Variants in SCMH1 observed in about 807,000 individuals in gnomAD.
SCMH1 encodes the protein polycomb protein SCMH1.
In SCMH1, 37 loss-of-function variants were observed where a neutral mutation model predicts 70.8. The ratio of observed to expected loss-of-function variants is 0.52; its 90% CI spans 0.40 to 0.69. The LOEUF (loss-of-function observed/expected upper bound fraction) is 0.69, where lower values mean the gene tolerates loss of function less well. Ranked by LOEUF, SCMH1 falls within the 30% of genes least tolerant of loss-of-function variation. The pLI, the probability that SCMH1 is intolerant of heterozygous loss-of-function variation, is 0.00. For missense variants in SCMH1, 607 were observed against 827.3 expected (o/e 0.73, Z 3.27); for synonymous variants, 292 against 307.4 (o/e 0.95, Z 0.52).
intron 1 of SCMH1, among the ~76,000 whole-genome samples, chr1:41,226,470 G>A (rs560780689): frequency 1.4e-4 from 22 of 152,120 alleles, no homozygotes; most frequent in Non-Finnish European, 2.2e-4. Context: ...TTTAGCATCC[G>A]GCAAACAATG....
In SCMH1 at chr1:41,211,306, A is replaced by G. The variant is rs181664965; in HGVS notation, c.-117-25056T>C. ...AATATACAGAATCTATGAAGAACTT[A>G]AACAAATTTACAAGAAAAAAACAAA... On this transcript the variant is annotated intron_variant, in intron 1 of 14. Transcript: ENST00000337495. Among the ~76,000 whole-genome samples the G allele has an allele frequency of 4.6e-5, 7 of 152,358 alleles. No individual in the cohort carries two copies. The East Asian group carries it at 1.2e-3, about 25-fold the overall frequency.
At chr1:41,150,164 C>G (rs1049283489) in intron 5 of SCMH1, among the ~76,000 whole-genome samples, 2 of 152,166 alleles carry the variant, frequency 1.3e-5, no homozygotes, top group Non-Finnish European at 2.9e-5. Flanking sequence ...TTTGTTTTCT[C>G]TCTCTCAGAG....
intron 1 of SCMH1, among the ~76,000 whole-genome samples, chr1:41,228,426 C>A (rs1660673497): frequency 6.6e-6 from 1 of 152,174 alleles, no homozygotes; most frequent in African/African-American, 2.4e-5. Flanking sequence ...TATTTTACCA[C>A]AATTAAAAAA....
intron 1 of SCMH1, among the ~76,000 whole-genome samples, chr1:41,213,753 T>C (rs187786313): frequency 2.6e-5 from 4 of 152,314 alleles, no homozygotes; most frequent in Non-Finnish European, 5.9e-5. Context: ...TGAAGCCCTC[T>C]GTGTCACATA....
At position 41,090,057 on chromosome 1, in the gene SCMH1, G is replaced by A. The variant is rs537798074; in HGVS notation, c.746-14606C>T. 2.6e-5 allele frequency among the ~76,000 whole-genome samples: 4 copies of A among 152,048 alleles called. No homozygotes were observed. The East Asian group carries it at 7.7e-4, about 29-fold the overall frequency. ...TCCACCTGCCTCACTCTCCCAAAGTGCTGGGATTACAGGTGTGAGCCACCA... is the reference window on the plus strand; with the variant it reads ...TCCACCTGCCTCACTCTCCCAAAGTACTGGGATTACAGGTGTGAGCCACCA... On this transcript the variant is annotated intron_variant, in intron 8 of 14. Transcript: ENST00000337495.
intron 13 of SCMH1, among the ~76,000 whole-genome samples, chr1:41,036,158 G>T (rs1318057981): frequency 6.6e-6 from 1 of 152,130 alleles, no homozygotes; most frequent in Admixed American, 6.5e-5. Flanking sequence ...TCTGAGAAGT[G>T]AGTATCATTC....
At position 41,034,401 on chromosome 1, in the gene SCMH1, C is replaced by A. The variant is rs573438323; in HGVS notation, c.1678+2961G>T. 3.3e-5 allele frequency among the ~76,000 whole-genome samples: 5 copies of A among 151,652 alleles called. No individual in the cohort carries two copies. The South Asian group carries it at 1.0e-3, about 32-fold the overall frequency. On this transcript the variant is annotated intron_variant, in intron 13 of 14. Coordinates refer to ENST00000337495, the Ensembl canonical transcript of SCMH1. ...GGAGTGCAGTGGCGTGATCTCGGCT[C>A]ACTGCAAACTCGGCCTCCTGGGTTC...
At chr1:41,134,839 G>C (rs571595459) in intron 6 of SCMH1, among the ~76,000 whole-genome samples, 93 of 152,020 alleles carry the variant, frequency 6.1e-4, no homozygotes, top group Admixed American at 7.9e-4. Flanking sequence ...GTTGGCTTTA[G>C]TACTGAGGTA....
chr1:41,140,537 C>T (rs192833234), intron 6 of SCMH1, among the ~76,000 whole-genome samples: 215 of 152,204 alleles, frequency 1.4e-3, no homozygotes, highest in African/African-American at 4.8e-3. Flanking sequence ...GCGATCTGCC[C>T]GCCTCGGCCT....
chr1:41,200,200 G>A (rs1334076062), intron 1 of SCMH1, among the ~76,000 whole-genome samples: 3 of 152,110 alleles, frequency 2.0e-5, no homozygotes, highest in Middle Eastern at 3.4e-3. Context: ...GCTTGTGGCC[G>A]GGTGCAGTGG....
chr1:41,149,674 G>A (rs1032433795), intron 5 of SCMH1, among the ~76,000 whole-genome samples: 1 of 152,096 alleles, frequency 6.6e-6, no homozygotes, highest in Non-Finnish European at 1.5e-5. Flanking sequence ...TTACCTTTAT[G>A]ATTTGTCAGG....
At chr1:41,153,280 C>A (rs1470019297) in intron 4 of SCMH1, among the ~76,000 whole-genome samples, 2 of 152,112 alleles carry the variant, frequency 1.3e-5, no homozygotes. Context: ...AGCCACTAGC[C>A]ACATAACTAT....
At chr1:41,053,143 A>G (rs908397657) in intron 10 of SCMH1, among the ~76,000 whole-genome samples, 1 of 35,468 alleles carries the variant, frequency 2.8e-5, no homozygotes, top group East Asian at 1.4e-3. Flanking sequence ...TCAGCCTCCC[A>G]AAGTGGTGGG....
intron 1 of SCMH1, among the ~76,000 whole-genome samples, chr1:41,196,907 C>T (rs1043917822): frequency 6.6e-6 from 1 of 152,010 alleles, no homozygotes; most frequent in African/African-American, 2.4e-5. Context: ...GACAATTCTC[C>T]AAAGAAGATA....
chr1:41,082,758 T>C (rs1331694152), intron 8 of SCMH1, among the ~76,000 whole-genome samples: 1 of 152,028 alleles, frequency 6.6e-6, no homozygotes, highest in African/African-American at 2.4e-5. Flanking sequence ...CAGCAGCACA[T>C]CAAAAAGCTT....
intron 8 of SCMH1, among the ~76,000 whole-genome samples, chr1:41,079,301 G>A (rs1413701178): frequency 6.6e-6 from 1 of 151,930 alleles, no homozygotes; most frequent in Admixed American, 6.6e-5. Flanking sequence ...TTAAAGAAGG[G>A]TGGATTAAGT....
chr1:41,238,986 CA>C (rs1662945420), intron 1 of SCMH1, among the ~76,000 whole-genome samples: 1 of 152,174 alleles, frequency 6.6e-6, no homozygotes, highest in Non-Finnish European at 1.5e-5. Context: ...CTCACCTGCA[CA>C]TACAATCAAT....
chr1:41,070,848 C>G, intron 9 of SCMH1, 127 bp from the exon 10 acceptor site: 1 of 1,162,674 alleles, frequency 8.6e-7, no homozygotes, highest in Non-Finnish European at 1.2e-6. Context: ...TCTTTGTTCT[C>G]TACACAGCAT....
chr1:41,030,182 C>T (rs1371544753), intron 13 of SCMH1, among the ~76,000 whole-genome samples: 2 of 152,140 alleles, frequency 1.3e-5, no homozygotes, highest in African/African-American at 2.4e-5. Context: ...CATTGCAGTC[C>T]AGCCTGGGTG....
Sources: gnomAD v4.1 joint callset for allele counts (sites outside exome capture counted in the v4.1 genomes callset) on GRCh38, gnomAD v4.1.1 for gene constraint, MANE v1.5 for transcripts, NCBI Gene and HGNC (gene_info 2026-07-23, HGNC 2026-07-21) for gene names.